TNFSF4: variants seen among roughly 807,000 people sequenced by gnomAD.
The protein encoded by TNFSF4 is TNF superfamily member 4.
A neutral mutation model predicts 7.3 loss-of-function variants in TNFSF4; 4 were observed. The ratio of observed to expected loss-of-function variants is 0.55; its 90% confidence interval spans 0.27 to 1.25. The LOEUF is 1.25. Ranked by LOEUF, TNFSF4 falls within the 50% of genes most tolerant of loss-of-function variation. The pLI is 0.12. For missense variants in TNFSF4, 181 were observed against 208.8 expected (o/e 0.87, Z 0.82); for synonymous variants, 76 against 83.7 (o/e 0.91, Z 0.50).
the TNFSF4 span, among the ~76,000 whole-genome samples, chr1:173,219,052 T>C: frequency 6.6e-6 from 1 of 152,182 alleles, no homozygotes; most frequent in Non-Finnish European, 1.5e-5. Flanking sequence ...GTCTTGTTTA[T>C]TTGATTAAAC....
At chr1:173,435,632 A>T in the TNFSF4 span, among the ~76,000 whole-genome samples, 2 of 152,358 alleles carry the variant, frequency 1.3e-5, no homozygotes, top group South Asian at 4.1e-4. Flanking sequence ...TGTTTAAAAC[A>T]CCTTGTCTAT....
At chr1:173,422,239 CTA>C in the TNFSF4 span, among the ~76,000 whole-genome samples, 5 of 142,612 alleles carry the variant, frequency 3.5e-5, no homozygotes, top group African/African-American at 1.3e-4. Context: ...ACCAATGGGT[CTA>C]GAGACCCAGA....
chr1:173,230,602 A>T, the TNFSF4 span, among the ~76,000 whole-genome samples: 1 of 152,226 alleles, frequency 6.6e-6, no homozygotes, highest in Admixed American at 6.5e-5. Flanking sequence ...AAGGAGATAG[A>T]GACACAACAC....
At chr1:173,229,038 T>G in the TNFSF4 span, among the ~76,000 whole-genome samples, 1 of 152,196 alleles carries the variant, frequency 6.6e-6, no homozygotes, top group Non-Finnish European at 1.5e-5. Flanking sequence ...TTCCCACACC[T>G]AGCAAGGCAG....
At chr1:173,337,862 G>A in the TNFSF4 span, among the ~76,000 whole-genome samples, 1 of 152,180 alleles carries the variant, frequency 6.6e-6, no homozygotes, top group Non-Finnish European at 1.5e-5. Context: ...TGGGCCAAAT[G>A]CATGAAGATA....
chr1:173,401,867 T>C, the TNFSF4 span, among the ~76,000 whole-genome samples: 1 of 152,372 alleles, frequency 6.6e-6, no homozygotes, highest in South Asian at 2.1e-4. Context: ...GTCCATTTGT[T>C]GAAAAATGCT....
the TNFSF4 span, among the ~76,000 whole-genome samples, chr1:173,268,083 G>A: frequency 6.6e-6 from 1 of 152,038 alleles, no homozygotes; most frequent in Non-Finnish European, 1.5e-5. Context: ...AAGGACAAAG[G>A]AGAAACAAAG....
the TNFSF4 span, among the ~76,000 whole-genome samples, chr1:173,316,362 G>A: frequency 6.6e-6 from 1 of 152,010 alleles, no homozygotes. Flanking sequence ...AATAAACTTG[G>A]TTAGATGGGA....
At chr1:173,356,026 A>G in the TNFSF4 span, among the ~76,000 whole-genome samples, 1 of 152,388 alleles carries the variant, frequency 6.6e-6, no homozygotes, top group East Asian at 1.9e-4. Context: ...AACTTAGATC[A>G]GCACCCCCAA....
chr1:173,388,302 G>T, the TNFSF4 span, among the ~76,000 whole-genome samples: 1 of 152,068 alleles, frequency 6.6e-6, no homozygotes, highest in Non-Finnish European at 1.5e-5. Context: ...CTTTAAATGT[G>T]TACATTTATA....
chr1:173,420,565 A>T, the TNFSF4 span, among the ~76,000 whole-genome samples: 1 of 151,990 alleles, frequency 6.6e-6, no homozygotes, highest in Admixed American at 6.6e-5. Context: ...TGGCCAGTAG[A>T]CCCTACCCTC....
At chr1:173,302,949 G>A in the TNFSF4 span, among the ~76,000 whole-genome samples, 2 of 152,004 alleles carry the variant, frequency 1.3e-5, no homozygotes, top group Admixed American at 1.3e-4. Context: ...GGATTTAAAT[G>A]AGGGTCTGTA....
At chr1:173,210,459 T>C (rs940523023), upstream of TNFSF4, among the ~76,000 whole-genome samples, 1 of 152,110 alleles carries the variant, frequency 6.6e-6, no homozygotes, top group Non-Finnish European at 1.5e-5. Flanking sequence ...GGAGCCTGTT[T>C]GTGCAGTGTC....
chr1:173,363,446 T>C, the TNFSF4 span: 1 of 357,404 alleles, frequency 2.8e-6, no homozygotes, highest in Non-Finnish European at 5.7e-6. Flanking sequence ...TTGGATTCAA[T>C]TGTTTCTCTA....
At chr1:173,376,211 T>C in the TNFSF4 span, among the ~76,000 whole-genome samples, 2 of 152,102 alleles carry the variant, frequency 1.3e-5, no homozygotes, top group Admixed American at 1.3e-4. Context: ...TGCCCATCAA[T>C]GATAGAATGG....
the TNFSF4 span, among the ~76,000 whole-genome samples, chr1:173,352,790 G>GA: frequency 0.01 from 1,542 of 152,000 alleles, 23 homozygotes; most frequent in African/African-American, 0.035. Flanking sequence ...GCAAGCCTGG[G>GA]GGTGCTGCAG....
At chr1:173,224,077 A>C in the TNFSF4 span, among the ~76,000 whole-genome samples, 1 of 152,210 alleles carries the variant, frequency 6.6e-6, no homozygotes, top group Non-Finnish European at 1.5e-5. Flanking sequence ...AGAGAGTAAA[A>C]GGCCCTAAGC....
At chr1:173,296,076 A>C in the TNFSF4 span, among the ~76,000 whole-genome samples, 1 of 152,006 alleles carries the variant, frequency 6.6e-6, no homozygotes, top group Non-Finnish European at 1.5e-5. Flanking sequence ...TTCCTATTAA[A>C]TGGAGAAGTA....
chr1:173,419,908 G>GC, the TNFSF4 span, among the ~76,000 whole-genome samples: 1 of 151,948 alleles, frequency 6.6e-6, no homozygotes, highest in African/African-American at 2.4e-5. Flanking sequence ...TGTGTGGCGG[G>GC]GGGGGGGATG....
Sources: allele counts gnomAD v4.1 joint callset (sites outside exome capture counted in the v4.1 genomes callset), GRCh38; gene constraint gnomAD v4.1.1; transcripts MANE v1.5; gene names NCBI Gene and HGNC (gene_info 2026-07-23, HGNC 2026-07-21).